The following ALDH1L1 variants were observed in gnomAD, a reference collection of about 807,000 sequenced individuals.
ALDH1L1 encodes the protein aldehyde dehydrogenase 1 family member L1.
In ALDH1L1, 68 loss-of-function variants were observed where a neutral mutation model predicts 101.1. The observed-to-expected ratio is 0.67, with a 90% CI of 0.55 to 0.82. The LOEUF is 0.82. ALDH1L1 is among the 40% of genes least tolerant of loss of function. The pLI, the probability that ALDH1L1 is intolerant of heterozygous loss-of-function variation, is 0.00. For missense variants in ALDH1L1, 1,087 were observed against 1,172.7 expected (o/e 0.93, Z 1.07); for synonymous variants, 486 against 470.8 (o/e 1.03, Z -0.42).
chr3:126,113,207 C>T (rs1348510434), intron 18 of ALDH1L1, among the ~76,000 whole-genome samples: 2 of 152,226 alleles, frequency 1.3e-5, no homozygotes, highest in Non-Finnish European at 2.9e-5. Flanking sequence ...CCCTCCTGCA[C>T]CCTGGGTGGC....
chr3:126,136,979 GC>G, intron 10 of ALDH1L1, 96 bp from the exon 11 acceptor site: 1 of 1,512,650 alleles, frequency 6.6e-7, no homozygotes. Context: ...CTGCCCAGGG[GC>G]CTCCTGGGGC....
At chr3:126,110,327 C>T in intron 19 of ALDH1L1, 1 of 603,938 alleles carries the variant, frequency 1.7e-6, no homozygotes, top group South Asian at 2.1e-5. Context: ...GAGACAGGAG[C>T]CCAGCAACAT....
intron 11 of ALDH1L1, 80 bp from the exon 12 acceptor site, chr3:126,135,742 TC>T: frequency 7.0e-7 from 1 of 1,427,052 alleles, no homozygotes; most frequent in Non-Finnish European, 9.2e-7. Context: ...CCTGGCCTCC[TC>T]CTGGGGCCCC....
At position 126,180,500 on chromosome 3, in the gene ALDH1L1, TCCCG is replaced by T. The variant is rs2081456143; in HGVS notation, c.-52_-49del. 1.0e-6 allele frequency: 1 copy of T among 999,420 alleles called. No individual in the cohort carries two copies. Among genetic ancestry groups the T allele is most frequent in the Non-Finnish European group, 1.2e-6 (1 of 838,382 alleles). 61.9% of individuals were successfully genotyped at this position (999,420 alleles called of 1,614,324 possible). On this transcript the variant is annotated 5_prime_UTR_variant, in exon 1 of 23. Transcript: ENST00000393434. ...CCGCGCGCAGGAGTTGGTGCGGGCG[TCCCG>T]GGCAGGTTAGACTTCTGTGAGCCGC...
chr3:126,188,845 T>TTAC (rs1365635456), intron 1 of ALDH1L1, among the ~76,000 whole-genome samples: 3 of 152,206 alleles, frequency 2.0e-5, no homozygotes, highest in African/African-American at 4.8e-5. Context: ...AGTATGCCCC[T>TTAC]TACCCAGGGT....
chr3:126,129,954 A>C, intron 14 of ALDH1L1: 1 of 289,584 alleles, frequency 3.5e-6, no homozygotes, highest in East Asian at 6.0e-5. Flanking sequence ...ATGAACACTG[A>C]CCACCATACC....
intron 3 of ALDH1L1, 136 bp from the exon 4 acceptor site, chr3:126,157,644 G>A (rs2080942588): frequency 1.1e-6 from 1 of 932,454 alleles, no homozygotes; most frequent in African/African-American, 1.7e-5. Flanking sequence ...GCTCCGGCGG[G>A]AAACGGAAGA....
At chr3:126,171,155 A>G (rs1455063867) in intron 1 of ALDH1L1, among the ~76,000 whole-genome samples, 1 of 152,164 alleles carries the variant, frequency 6.6e-6, no homozygotes, top group East Asian at 1.9e-4. Context: ...AAAATTAGCC[A>G]GGCGTGGTGG....
chr3:126,118,110 A>C lies in ALDH1L1; in HGVS notation c.1889-12T>G. ...GCCGACCAGGGAGCCTGTGGGCGGG[A>C]GGGAGGGGGGAATCAGAGTGGTCCC... On this transcript the variant is annotated splice_polypyrimidine_tract_variant and intron_variant, in intron 16 of 22. Coordinates refer to ENST00000393434, the MANE Select transcript of ALDH1L1 (RefSeq NM_012190.4). The C allele has an allele frequency of 8.9e-7, 1 of 1,118,766 alleles. No homozygotes were observed. Among genetic ancestry groups the C allele is most frequent in the Non-Finnish European group, 1.3e-6 (1 of 760,582 alleles). 69.3% of individuals were successfully genotyped at this position (1,118,766 alleles called of 1,614,324 possible).
chr3:126,151,225 G>C (rs1042244388), intron 7 of ALDH1L1: 1 of 152,206 alleles, frequency 6.6e-6, no homozygotes, highest in Admixed American at 6.5e-5. Context: ...AACTAATCTT[G>C]CAATCACCCA....
intron 1 of ALDH1L1, among the ~76,000 whole-genome samples, chr3:126,173,514 A>G (rs1428133820): frequency 2.0e-5 from 3 of 152,244 alleles, no homozygotes; most frequent in African/African-American, 7.2e-5. Flanking sequence ...AGTTAAGATC[A>G]GAAAAGGCAG....
upstream of ALDH1L1, among the ~76,000 whole-genome samples, chr3:126,182,578 G>A (rs1215067134): frequency 6.6e-6 from 1 of 152,200 alleles, no homozygotes; most frequent in African/African-American, 2.4e-5. Flanking sequence ...GTGTGTGGAA[G>A]GTGTGCCATA....
At chr3:126,118,644 C>T (rs1470196550) in intron 16 of ALDH1L1, among the ~76,000 whole-genome samples, 1 of 152,174 alleles carries the variant, frequency 6.6e-6, no homozygotes, top group Non-Finnish European at 1.5e-5. Flanking sequence ...CCCCACATGG[C>T]TTTTCACCAT....
At chr3:126,180,030 C>T (rs1387724206) in intron 1 of ALDH1L1, 1 of 152,234 alleles carries the variant, frequency 6.6e-6, no homozygotes, top group African/African-American at 2.4e-5. Flanking sequence ...AAGACCTTTC[C>T]CTGTCACAGA....
At chr3:126,118,596 G>C (rs779720933) in intron 16 of ALDH1L1, among the ~76,000 whole-genome samples, 8 of 152,034 alleles carry the variant, frequency 5.3e-5, no homozygotes, top group African/African-American at 1.9e-4. Flanking sequence ...CCCAGTCTGC[G>C]GAGCTTTGAC....
intron 1 of ALDH1L1, among the ~76,000 whole-genome samples, chr3:126,165,081 C>A (rs995852617): frequency 1.3e-5 from 2 of 152,074 alleles, no homozygotes; most frequent in Non-Finnish European, 2.9e-5. Context: ...AGTGTCTGTT[C>A]ATGTCCTTTG....
At chr3:126,124,509 G>T in intron 15 of ALDH1L1, 58 bp from the exon 16 acceptor site, 1 of 1,399,754 alleles carries the variant, frequency 7.1e-7, no homozygotes, top group Non-Finnish European at 1.0e-6. Context: ...GTGGGGCTCT[G>T]CCTTCCCTCC....
rs766786151 is a variant in ALDH1L1, at chr3:126,135,537, G to A, written c.1470C>T (p.Tyr490=). ...GCAGGTACATGTTGGGCTCCCACCT[G>A]TACATCAGCCGGCCCCGGTCCCGCG... The part of the protein sequence containing the change: ...ISARDRGRLM[Y]RLADLMEQHQ... The change falls in exon 12 of 23, where the codon TAC becomes TAT. Residue 490 remains tyrosine (Y), a splice_region_variant and synonymous_variant. Coordinates refer to ENST00000393434, the MANE Select transcript of ALDH1L1 (RefSeq NM_012190.4). 1.2e-6 allele frequency: 2 copies of A among 1,607,066 alleles called. No homozygotes were observed. Among genetic ancestry groups the A allele is most frequent in the Non-Finnish European group, 1.7e-6 (2 of 1,178,024 alleles).
At chr3:126,129,972 G>T (rs1023689278) in intron 14 of ALDH1L1, 4 of 333,050 alleles carry the variant, frequency 1.2e-5, no homozygotes, top group Non-Finnish European at 2.2e-5. Context: ...ACCCATTTTG[G>T]ACATTTTTTG....
Sources: allele counts gnomAD v4.1 joint callset (sites outside exome capture counted in the v4.1 genomes callset), GRCh38; gene constraint gnomAD v4.1.1; transcripts MANE v1.5; gene names NCBI Gene and HGNC (gene_info 2026-07-23, HGNC 2026-07-21).